Variants in PIAS2 observed in about 807,000 individuals in gnomAD.
PIAS2 encodes the protein E3 SUMO-protein ligase PIAS2.
Under a neutral mutation model 69.7 loss-of-function variants are expected in PIAS2, and 19 were observed. The ratio of observed to expected loss-of-function variants is 0.27; its 90% confidence interval spans 0.19 to 0.40. The LOEUF (loss-of-function observed/expected upper bound fraction) is 0.40, where lower values mean the gene tolerates loss of function less well. Ranked by LOEUF, PIAS2 falls within the 10% of genes least tolerant of loss-of-function variation. The pLI, the probability that PIAS2 is intolerant of heterozygous loss-of-function variation, is 1.00. For missense variants in PIAS2, 624 were observed against 757.0 expected (o/e 0.82, Z 2.06); for synonymous variants, 261 against 263.2 (o/e 0.99, Z 0.08).
intron 5 of PIAS2, chr18:46,853,241 A>C (rs906847858): frequency 6.6e-6 from 1 of 151,508 alleles, no homozygotes; most frequent in Non-Finnish European, 1.5e-5. Context: ...AGACTACACT[A>C]ATGCACTCCA....
intron 1 of PIAS2, chr18:46,907,724 TG>T (rs1253929485): frequency 6.6e-6 from 1 of 152,142 alleles, no homozygotes; most frequent in Non-Finnish European, 1.5e-5. Context: ...ATCAAAAATA[TG>T]GTATTTGCAG....
rs770114950 is a variant in PIAS2 at position 46,829,784 on chromosome 18, G to A, written c.1286C>T (p.Pro429Leu). 2.0e-5 allele frequency: 32 copies of A among 1,612,604 alleles called. No homozygotes were observed. The highest frequency in any genetic ancestry group is 1.2e-4 in the South Asian group (11 of 90,994). The change falls in exon 10 of 14, where the codon CCG becomes CTG. Residue 429 changes from proline (P) to leucine (L), a missense_variant. Pro to Leu is a moderately conservative substitution (Grantham distance 98). This residue lies in a region of PIAS2 where 241 missense variants were observed against 257.3 expected (regional missense o/e 0.94). Transcript: ENST00000585916. ...QEDGSWCPMR[P>L]KKEAMKVSSQ... ...GGATACTTTCATAGCTTCTTTCTTC[G>A]GTCTCATTGGACACCAAGAACCATC... is the stretch of plus-strand genomic sequence containing the variant.
intron 2 of PIAS2, among the ~76,000 whole-genome samples, chr18:46,885,693 A>C (rs973711826): frequency 6.6e-6 from 1 of 152,168 alleles, no homozygotes; most frequent in African/African-American, 2.4e-5. Flanking sequence ...CAAAAAAAAA[A>C]AACAGTGATA....
chr18:46,851,080 T>C (rs993997743), intron 5 of PIAS2, among the ~76,000 whole-genome samples: 6 of 152,232 alleles, frequency 3.9e-5, no homozygotes, highest in Admixed American at 3.3e-4. Flanking sequence ...CACACAATTA[T>C]GTGTTTTAAA....
In PIAS2 at chr18:46,807,027, AAAACAGGCAATGTT is replaced by A. The variant is rs1322518120; in HGVS notation, c.*5392_*5405del. The A allele has an allele frequency of 7.7e-6, 1 of 129,628 alleles. No individual in the cohort carries two copies. The highest frequency in any genetic ancestry group is 2.6e-5 in the African/African-American group (1 of 37,770). The allele number at this position is 129,628 out of a possible 1,614,324, so 8.0% of individuals were successfully genotyped here. A position where few individuals can be genotyped will look rare whatever the true frequency, so the allele number is the denominator to read the frequency against. The stretch of plus-strand genomic sequence containing the variant: ...TGGAAACATAAGGGAATATAAAGTG[AAAACAGGCAATGTT>A]TGCCTGTTTTTATAGCTTTTAGCCT... On this transcript the variant is annotated 3_prime_UTR_variant, in exon 14 of 14. Coordinates refer to ENST00000585916, the MANE Select transcript of PIAS2 (RefSeq NM_004671.5).
In PIAS2 at chr18:46,894,896, C is replaced by A. The variant is rs368859632; in HGVS notation, c.25-3842G>T. Among the ~76,000 whole-genome samples, 136 of 151,792 alleles carry A rather than the reference C, an allele frequency of 9.0e-4. 1 individual carries two copies. In the East Asian group the frequency reaches 0.019, roughly 22 times the overall value. ...GACCAGCCTGACCAACACGGTGAAA[C>A]CCCGTCTCTACTAAAAATACAAAAA... is the stretch of plus-strand genomic sequence containing the variant. On this transcript the variant is annotated intron_variant, in intron 1 of 13. Transcript: ENST00000585916.
chr18:46,902,045 G>C (rs1217020049), intron 1 of PIAS2, among the ~76,000 whole-genome samples: 1 of 152,054 alleles, frequency 6.6e-6, no homozygotes, highest in Non-Finnish European at 1.5e-5. Flanking sequence ...ACAACTCCTA[G>C]AACTTGTGAG....
chr18:46,910,419 A>C (rs1199913573), intron 1 of PIAS2, among the ~76,000 whole-genome samples: 1 of 152,158 alleles, frequency 6.6e-6, no homozygotes, highest in Non-Finnish European at 1.5e-5. Flanking sequence ...AAATAACTTA[A>C]ATATTTAAAA....
chr18:46,879,181 T>A (rs1029167119), intron 2 of PIAS2, among the ~76,000 whole-genome samples: 2 of 151,526 alleles, frequency 1.3e-5, no homozygotes, highest in East Asian at 1.9e-4. Context: ...TAAAAGGGAG[T>A]AGGGTAGGAG....
At chr18:46,860,196 C>A (rs2048449012) in intron 3 of PIAS2, among the ~76,000 whole-genome samples, 1 of 152,164 alleles carries the variant, frequency 6.6e-6, no homozygotes, top group African/African-American at 2.4e-5. Flanking sequence ...GGGTTCAATC[C>A]TGAGATTCTA....
At chr18:46,826,224 T>C (rs2042831669) in intron 11 of PIAS2, among the ~76,000 whole-genome samples, 1 of 152,260 alleles carries the variant, frequency 6.6e-6, no homozygotes, top group Non-Finnish European at 1.5e-5. Context: ...CATTTATCTC[T>C]ATAGTAGCTG....
rs1599226273 is a variant in PIAS2, at chr18:46,811,096, G to T, written c.*1337C>A. ...ACACTATAGAAGAGAAATTTTCAAA[G>T]TGCACCCAATAAAACCTCAGAGGTT... On this transcript the variant is annotated 3_prime_UTR_variant, in exon 14 of 14. Coordinates refer to ENST00000585916, the MANE Select transcript of PIAS2 (RefSeq NM_004671.5). 6.6e-6 allele frequency: 1 copy of T among 152,016 alleles called. No individual in the cohort carries two copies. Among genetic ancestry groups the T allele is most frequent in the African/African-American group, 2.4e-5 (1 of 41,384 alleles). The allele number at this position is 152,016 out of a possible 1,614,324, so 9.4% of individuals were successfully genotyped here. A position where few individuals can be genotyped will look rare whatever the true frequency, so the allele number is the denominator to read the frequency against.
In PIAS2 at chr18:46,812,441, A is replaced by G; in HGVS notation, c.1858T>C (p.Leu620=). Residue 620 remains leucine (L), a synonymous_variant, in exon 14 of 14, where the codon TTG becomes CTG. Coordinates refer to ENST00000585916, the MANE Select transcript of PIAS2 (RefSeq NM_004671.5). ...ATCAAGTGAGTCCTCCTTTAGTCCA[A>G]TGAGATGATGTCAGGAATGTTACTT... is the stretch of plus-strand genomic sequence containing the variant. ...SGSNIPDIIS[L]D 2 of 1,606,786 alleles carry G rather than the reference A, an allele frequency of 1.2e-6. No homozygotes were observed. Among genetic ancestry groups the G allele is most frequent in the Non-Finnish European group, 1.7e-6 (2 of 1,174,788 alleles).
In PIAS2 at chr18:46,882,792, C is replaced by T. The variant is rs145525181; in HGVS notation, c.499+7788G>A. Among the ~76,000 whole-genome samples the T allele has an allele frequency of 3.5e-3, 538 of 152,186 alleles. 1 individual carries two copies. Among genetic ancestry groups the T allele is most frequent in the Middle Eastern group, 0.01 (3 of 294 alleles). On this transcript the variant is annotated intron_variant, in intron 2 of 13. Coordinates refer to ENST00000585916, the MANE Select transcript of PIAS2 (RefSeq NM_004671.5). ...GAAATACTGTTAAGAAAGATTGTCA[C>T]GGTGCAAAACTCTAGGGAACACTAT...
intron 12 of PIAS2, chr18:46,817,945 TTTC>T (rs1383896616): frequency 8.1e-6 from 8 of 984,188 alleles, no homozygotes; most frequent in Non-Finnish European, 8.4e-6. Context: ...CAAAATGCTG[TTTC>T]TTATTTCACC....
chr18:46,812,378 G>A lies in PIAS2; in HGVS notation c.*55C>T. The A allele has an allele frequency of 7.2e-6, 7 of 977,928 alleles. No homozygotes were observed. Among genetic ancestry groups the A allele is most frequent in the African/African-American group, 1.6e-5 (1 of 61,436 alleles). 60.6% of individuals were successfully genotyped at this position (977,928 alleles called of 1,614,324 possible). A position where few individuals can be genotyped will look rare whatever the true frequency, so the allele number is the denominator to read the frequency against. ...AAAAAGAACGTTTCCACAGACTAGAGATCCAAGAAAAAGCAGTTCTGATGA... is the reference window on the plus strand; with the variant it reads ...AAAAAGAACGTTTCCACAGACTAGAAATCCAAGAAAAAGCAGTTCTGATGA... On this transcript the variant is annotated 3_prime_UTR_variant, in exon 14 of 14. Coordinates refer to ENST00000585916, the MANE Select transcript of PIAS2 (RefSeq NM_004671.5).
intron 8 of PIAS2, among the ~76,000 whole-genome samples, chr18:46,841,659 T>C (rs1364508250): frequency 1.3e-5 from 2 of 152,214 alleles, no homozygotes; most frequent in African/African-American, 4.8e-5. Context: ...GTAGCATTCA[T>C]TCTTTTCTTA....
At chr18:46,829,566 T>C (rs540594932) in intron 10 of PIAS2, among the ~76,000 whole-genome samples, 168 bp downstream of exon 10, 22 of 152,348 alleles carry the variant, frequency 1.4e-4, no homozygotes, top group Middle Eastern at 3.4e-3. Context: ...GTATAAACTT[T>C]AGCACATTCC....
At chr18:46,860,998 G>C (rs1226743797) in intron 3 of PIAS2, among the ~76,000 whole-genome samples, 2 of 151,992 alleles carry the variant, frequency 1.3e-5, no homozygotes, top group African/African-American at 4.8e-5. Context: ...TAAAATAAAA[G>C]GCCGGGTGTG....
Sources: gnomAD v4.1 joint callset for allele counts (sites outside exome capture counted in the v4.1 genomes callset) on GRCh38, gnomAD v4.1.1 for gene constraint, gnomAD v4.1.1 regional missense constraint, MANE v1.5 for transcripts, NCBI Gene and HGNC (gene_info 2026-07-23, HGNC 2026-07-21) for gene names.